Variants in FYCO1 observed in about 807,000 individuals in gnomAD.
FYCO1 encodes FYVE and coiled-coil domain autophagy adaptor 1.
Under a neutral mutation model 165.1 loss-of-function variants are expected in FYCO1, and 122 were observed. That is an observed-to-expected ratio of 0.74 (90% CI 0.64 to 0.86). The LOEUF (loss-of-function observed/expected upper bound fraction) is 0.86. FYCO1 is among the 40% of genes least tolerant of loss of function. The pLI, the probability that FYCO1 is intolerant of heterozygous loss-of-function variation, is 0.00. For synonymous variants in FYCO1, 648 were observed against 742.5 expected (o/e 0.87, Z 2.07); for missense variants, 1,702 against 1,810.3 (o/e 0.94, Z 1.09).
Position 45,966,923 on chromosome 3 carries a change from T to A in FYCO1, c.2411A>T (p.Asp804Val). Residue 804 changes from aspartate (D) to valine (V), a missense_variant, in exon 8 of 18, where the codon GAT becomes GTT. Asp to Val is a radical substitution (Grantham distance 152). Coordinates refer to ENST00000296137, the MANE Select transcript of FYCO1 (RefSeq NM_024513.4). ...CTGGCTCTGCACCTTGTCCTGGTCA[T>A]CCAGGGCTGCCCGCATCTTGGCCTG... Reference protein sequence around the residue: ...DLQAKMRAALDDQDKVQSQLS... With the variant: ...DLQAKMRAALVDQDKVQSQLS... The A allele has an allele frequency of 6.2e-7, 1 of 1,613,786 alleles. No homozygotes were observed. The highest frequency in any genetic ancestry group is 1.1e-5 in the South Asian group (1 of 91,082).
chr3:45,959,487 T>C lies in FYCO1; in HGVS notation c.3493A>G (p.Ser1165Gly). Residue 1165 changes from serine to glycine, a missense_variant, in exon 12 of 18, where the codon AGT (serine) becomes GGT (glycine). Coordinates refer to ENST00000296137, the MANE Select transcript of FYCO1 (RefSeq NM_024513.4). ...SDALEFQQKL[S>G]AEERWLGDTE... The stretch of plus-strand genomic sequence containing the variant: ...TCTCCGAGCCATCTCTCCTCAGCAC[T>C]GAGCTTCTGCTGGAATTCCAGGGCA... 1 of 1,614,180 alleles carries C rather than the reference T, an allele frequency of 6.2e-7. No individual in the cohort carries two copies. The highest frequency in any genetic ancestry group is 1.3e-5 in the African/African-American group (1 of 75,076).
chr3:45,972,713 TGGC>T (rs1706510728), intron 6 of FYCO1, among the ~76,000 whole-genome samples: 1 of 152,336 alleles, frequency 6.6e-6, no homozygotes, highest in African/African-American at 2.4e-5. Flanking sequence ...GGACAAGCTG[TGGC>T]TTTCACTTCC....
Position 45,966,529 on chromosome 3 carries a change from G to C in FYCO1, c.2805C>G (p.Asp935Glu), listed in dbSNP as rs559343345. ...ALACAVQELQ[D>E]AKEAASRERE... Reference sequence around the variant, plus strand: ...GCTCCCTTGAGGCTGCCTCTTTGGCGTCCTGGAGCTCCTGGACAGCACAGG... The same window carrying C: ...GCTCCCTTGAGGCTGCCTCTTTGGCCTCCTGGAGCTCCTGGACAGCACAGG... The change falls in exon 8 of 18, where the codon GAC becomes GAG. Residue 935 changes from aspartate (D) to glutamate (E), a missense_variant. Transcript: ENST00000296137. 3 of 1,613,542 alleles carry C rather than the reference G, an allele frequency of 1.9e-6. No homozygotes were observed. Among genetic ancestry groups the C allele is most frequent in the South Asian group, 1.1e-5 (1 of 91,080 alleles).
At chr3:45,944,850 T>G (rs1476041395) in intron 14 of FYCO1, among the ~76,000 whole-genome samples, 1 of 152,208 alleles carries the variant, frequency 6.6e-6, no homozygotes, top group Non-Finnish European at 1.5e-5. Context: ...AGCCACCTGT[T>G]TCATATTTTA....
Position 45,921,653 on chromosome 3 carries a change from G to T in FYCO1, c.*112C>A. 1 of 782,860 alleles carries T rather than the reference G, an allele frequency of 1.3e-6. No homozygotes were observed. Among genetic ancestry groups the T allele is most frequent in the Non-Finnish European group, 2.3e-6 (1 of 442,866 alleles). 48.5% of individuals were successfully genotyped at this position (782,860 alleles called of 1,614,324 possible). A position where few individuals can be genotyped will look rare whatever the true frequency, so the allele number is the denominator to read the frequency against. On this transcript the variant is annotated 3_prime_UTR_variant, in exon 18 of 18. Transcript: ENST00000296137. ...ACACCGCCTCTGAGGGGCAGCCCAGGGGCTGAGTTGATGATTTTGGAGCAG... is the reference window on the plus strand; with the variant it reads ...ACACCGCCTCTGAGGGGCAGCCCAGTGGCTGAGTTGATGATTTTGGAGCAG...
intron 1 of FYCO1, among the ~76,000 whole-genome samples, chr3:45,990,929 C>T (rs903786553): frequency 3.3e-5 from 5 of 152,166 alleles, no homozygotes; most frequent in Middle Eastern, 3.4e-3. Context: ...CACGCCACCA[C>T]GACTGGCAAT....
intron 3 of FYCO1, among the ~76,000 whole-genome samples, chr3:45,980,159 GC>G (rs771990309): frequency 6.0e-4 from 92 of 152,274 alleles, no homozygotes; most frequent in Non-Finnish European, 1.2e-3. Flanking sequence ...GACCAGCCTG[GC>G]CAACATGGTG....
chr3:45,933,640 A>G (rs1425998673), intron 15 of FYCO1, among the ~76,000 whole-genome samples: 3 of 152,136 alleles, frequency 2.0e-5, no homozygotes, highest in East Asian at 3.9e-4. Flanking sequence ...AGTGAAGGGC[A>G]GGAGAAGGAA....
At chr3:45,935,142 C>T (rs1165738842) in intron 15 of FYCO1, among the ~76,000 whole-genome samples, 1 of 152,186 alleles carries the variant, frequency 6.6e-6, no homozygotes, top group African/African-American at 2.4e-5. Context: ...TCTGTCTGCA[C>T]CACCTTCAAA....
At chr3:45,959,147 T>C (rs1705541120) in intron 12 of FYCO1, among the ~76,000 whole-genome samples, 1 of 152,220 alleles carries the variant, frequency 6.6e-6, no homozygotes, top group Admixed American at 6.5e-5. Context: ...GCCCCATCCC[T>C]GCGGGGCCCC....
At chr3:45,975,034 T>C (rs1007340207) in intron 5 of FYCO1, among the ~76,000 whole-genome samples, 1 of 152,154 alleles carries the variant, frequency 6.6e-6, no homozygotes, top group Non-Finnish European at 1.5e-5. Flanking sequence ...GAGCCTCACT[T>C]ACCTATAAAA....
At chr3:45,943,262 C>T (rs1351056497) in intron 14 of FYCO1, among the ~76,000 whole-genome samples, 1 of 152,142 alleles carries the variant, frequency 6.6e-6, no homozygotes, top group Non-Finnish European at 1.5e-5. Context: ...GAATAAAGCT[C>T]GTCAGGCCCT....
chr3:45,944,558 G>A (rs964251990), intron 14 of FYCO1, among the ~76,000 whole-genome samples: 14 of 151,872 alleles, frequency 9.2e-5, no homozygotes, highest in Non-Finnish European at 1.9e-4. Context: ...AACAAAATAG[G>A]ATTTTAATTA....
At chr3:45,982,865 G>A (rs1340201894) in intron 2 of FYCO1, among the ~76,000 whole-genome samples, 1 of 152,186 alleles carries the variant, frequency 6.6e-6, no homozygotes, top group African/African-American at 2.4e-5. Flanking sequence ...TGCTAGAAGT[G>A]TCTGCAATGG....
Position 45,966,753 on chromosome 3 carries a change from C to A in FYCO1, c.2581G>T (p.Asp861Tyr). Residue 861 changes from aspartate to tyrosine, a missense_variant, in exon 8 of 18, where the codon GAT becomes TAT. Physicochemically the swap from Asp to Tyr is radical, Grantham distance 160. Coordinates refer to ENST00000296137, the MANE Select transcript of FYCO1 (RefSeq NM_024513.4). ...REGALQEERA[D>Y]EAQQREEELR... The stretch of plus-strand genomic sequence containing the variant: ...TCCTCCTCCCTCTGCTGGGCCTCAT[C>A]GGCCCTCTCCTCCTGCAGTGCCCCT... The A allele has an allele frequency of 6.2e-7, 1 of 1,610,754 alleles. No homozygotes were observed. Among genetic ancestry groups the A allele is most frequent in the Non-Finnish European group, 8.5e-7 (1 of 1,179,966 alleles).
chr3:45,973,904 A>G (rs1488747985), intron 5 of FYCO1, among the ~76,000 whole-genome samples: 1 of 152,078 alleles, frequency 6.6e-6, no homozygotes, highest in Non-Finnish European at 1.5e-5. Flanking sequence ...CCAAAAAAAC[A>G]CAAAAAATTA....
At chr3:45,978,192 A>G (rs1412919218) in intron 4 of FYCO1, among the ~76,000 whole-genome samples, 1 of 152,246 alleles carries the variant, frequency 6.6e-6, no homozygotes, top group South Asian at 2.1e-4. Context: ...CTAAAACTAA[A>G]TTTATTTCCA....
At chr3:45,979,603 T>C (rs2125867847) in intron 4 of FYCO1, 102 bp downstream of exon 4, 1 of 1,423,308 alleles carries the variant, frequency 7.0e-7, no homozygotes, top group Admixed American at 1.7e-5. Flanking sequence ...ACCCATAAAC[T>C]CCCACTTCCT....
At chr3:45,954,441 T>A (rs1400799803) in intron 14 of FYCO1, among the ~76,000 whole-genome samples, 1 of 152,136 alleles carries the variant, frequency 6.6e-6, no homozygotes, top group Admixed American at 6.5e-5. Context: ...CACTAAGCCA[T>A]ACTCTGCCTT....
Sources: gnomAD v4.1 joint callset for allele counts (sites outside exome capture counted in the v4.1 genomes callset) on GRCh38, gnomAD v4.1.1 for gene constraint, MANE v1.5 for transcripts, NCBI Gene and HGNC (gene_info 2026-07-23, HGNC 2026-07-21) for gene names.